Variants in G6PC1 observed in about 807,000 individuals in gnomAD.
G6PC1 encodes glucose-6-phosphatase catalytic subunit 1, also known as G-6-Pase.
Under a neutral mutation model 30.4 loss-of-function variants are expected in G6PC1, and 23 were observed. The ratio of observed to expected loss-of-function variants is 0.76; its 90% confidence interval spans 0.55 to 1.07. G6PC1 has a LOEUF of 1.07. Among genes scored for constraint, G6PC1 ranks in the 50% least tolerant of loss-of-function variants. G6PC1 has a pLI of 0.00. For synonymous variants in G6PC1, 163 were observed against 175.6 expected (o/e 0.93, Z 0.57); for missense variants, 391 against 433.9 (o/e 0.90, Z 0.88).
chr17:42,907,646 G>C lies in G6PC1; in HGVS notation c.446+18G>C. 3 of 1,540,962 alleles carry C rather than the reference G, an allele frequency of 1.9e-6. No individual in the cohort carries two copies. Among genetic ancestry groups the C allele is most frequent in the Non-Finnish European group, 2.7e-6 (3 of 1,114,250 alleles). On this transcript the variant is annotated intron_variant, in intron 3 of 4. Transcript: ENST00000253801. ...AGATTTCGGTAAGAACTCACCACTG[G>C]GGTGTAGGTGGTGGAGGGCAGGAGG...
At position 42,914,172 on chromosome 17, in the gene G6PC1, T is replaced by G. The variant is rs1209590812; in HGVS notation, c.*2746T>G. Reference sequence around the variant, plus strand: ...CTGGTCTTGAACTCCTGGGTTCAAGTGATCCTCCTGCCTCAGCCTCCCAAA... The same window carrying G: ...CTGGTCTTGAACTCCTGGGTTCAAGGGATCCTCCTGCCTCAGCCTCCCAAA... On this transcript the variant is annotated 3_prime_UTR_variant, in exon 5 of 5. Coordinates refer to ENST00000253801, the MANE Select transcript of G6PC1 (RefSeq NM_000151.4). Among the ~76,000 whole-genome samples the G allele has an allele frequency of 6.6e-6, 1 of 151,708 alleles. No individual in the cohort carries two copies. The highest frequency in any genetic ancestry group is 2.4e-5 in the African/African-American group (1 of 41,258).
intron 2 of G6PC1, among the ~76,000 whole-genome samples, chr17:42,906,419 G>C (rs986955127): frequency 1.3e-5 from 2 of 152,140 alleles, no homozygotes; most frequent in African/African-American, 4.8e-5. Flanking sequence ...CCTTGATCAA[G>C]GCGACTCTCT....
At position 42,913,621 on chromosome 17, in the gene G6PC1, T is replaced by G. The variant is rs1346542166; in HGVS notation, c.*2195T>G. On this transcript the variant is annotated 3_prime_UTR_variant, in exon 5 of 5. Coordinates refer to ENST00000253801, the MANE Select transcript of G6PC1 (RefSeq NM_000151.4). ...GAGTTGGCCAAGAATGAACATTGGC[T>G]ACCAGACCACAAGTCAGCATGAGTT... Among the ~76,000 whole-genome samples, 2 of 152,206 alleles carry G rather than the reference T, an allele frequency of 1.3e-5. No individual in the cohort carries two copies. The highest frequency in any genetic ancestry group is 2.9e-5 in the Non-Finnish European group (2 of 68,036).
chr17:42,904,785 T>A (rs964526512), intron 2 of G6PC1, among the ~76,000 whole-genome samples: 1 of 152,114 alleles, frequency 6.6e-6, no homozygotes, highest in Non-Finnish European at 1.5e-5. Context: ...GAAATCTGAA[T>A]AGAGGAGGTG....
At chr17:42,908,849 G>A (rs161624) in intron 3 of G6PC1, among the ~76,000 whole-genome samples, 19,439 of 150,450 alleles carry the variant, frequency 0.13, 1,787 homozygotes, top group African/African-American at 0.25. Flanking sequence ...GATTACAGGC[G>A]TGAGCCACCC....
chr17:42,902,336 C>A (rs889076665), intron 1 of G6PC1, among the ~76,000 whole-genome samples: 1 of 151,534 alleles, frequency 6.6e-6, no homozygotes, highest in African/African-American at 2.4e-5. Context: ...CAACCTCTGC[C>A]TCTCCGGTTC....
intron 1 of G6PC1, among the ~76,000 whole-genome samples, chr17:42,902,924 G>A (rs564854218): frequency 1.3e-5 from 2 of 152,088 alleles, no homozygotes; most frequent in East Asian, 3.9e-4. Flanking sequence ...ATTCTCTGAT[G>A]TCAGAGGAAA....
intron 1 of G6PC1, among the ~76,000 whole-genome samples, chr17:42,902,629 T>C (rs140665396): frequency 1.5e-3 from 234 of 152,294 alleles, no homozygotes; most frequent in African/African-American, 5.1e-3. Context: ...TCTCTCTGGG[T>C]TGATAGAGGC....
chr17:42,901,134 CAAG>C (rs1489183944), intron 1 of G6PC1, 28 bp downstream of exon 1: 1 of 1,577,064 alleles, frequency 6.3e-7, no homozygotes. Flanking sequence ...AGGAGATCAG[CAAG>C]AAAAGAGGCT....
In G6PC1 at chr17:42,911,771, C is replaced by A. The variant is rs1168080751; in HGVS notation, c.*345C>A. ...ATTTTATCTTTGAATGGTCTTCTGC[C>A]AGCCCATTTTGAGGCCAGAGGTGCT... On this transcript the variant is annotated 3_prime_UTR_variant, in exon 5 of 5. Transcript: ENST00000253801. 2.7e-5 allele frequency: 10 copies of A among 366,666 alleles called. No individual in the cohort carries two copies. Among genetic ancestry groups the A allele is most frequent in the South Asian group, 1.9e-4 (7 of 37,624 alleles). The allele number at this position is 366,666 out of a possible 1,614,324, so 22.7% of individuals were successfully genotyped here. A position where few individuals can be genotyped will look rare whatever the true frequency, so the allele number is the denominator to read the frequency against.
In G6PC1 at chr17:42,911,533, C is replaced by T; in HGVS notation, c.*107C>T. The stretch of plus-strand genomic sequence containing the variant: ...GTATTTGGAGCAAGTGACATGCCAT[C>T]CATTCTGCCGTCGTGGAATTAAATC... On this transcript the variant is annotated 3_prime_UTR_variant, in exon 5 of 5. Coordinates refer to ENST00000253801, the MANE Select transcript of G6PC1 (RefSeq NM_000151.4). 6.5e-7 allele frequency: 1 copy of T among 1,532,216 alleles called. No individual in the cohort carries two copies. The highest frequency in any genetic ancestry group is 1.1e-5 in the South Asian group (1 of 88,706). 94.9% of individuals were successfully genotyped at this position (1,532,216 alleles called of 1,614,324 possible).
intron 1 of G6PC1, among the ~76,000 whole-genome samples, chr17:42,901,648 T>C (rs1255426582): frequency 6.7e-6 from 1 of 149,962 alleles, no homozygotes; most frequent in Non-Finnish European, 1.5e-5. Flanking sequence ...GAGGTTGCAG[T>C]GAGTCAAGAT....
Position 42,904,055 on chromosome 17 carries a change from C to T in G6PC1, c.340+15C>T, listed in dbSNP as rs754394520. The T allele has an allele frequency of 1.3e-6, 2 of 1,556,420 alleles. No homozygotes were observed. Among genetic ancestry groups the T allele is most frequent in the South Asian group, 1.1e-5 (1 of 89,934 alleles). ...GACTGGACCAGGTAAGCGTCCCAGC[C>T]CCTGCAGACAGAAGCTGAGTGGACC... On this transcript the variant is annotated intron_variant, in intron 2 of 4. Coordinates refer to ENST00000253801, the MANE Select transcript of G6PC1 (RefSeq NM_000151.4).
rs138332426 is a variant in G6PC1 at position 42,911,561 on chromosome 17, G to A, written c.*135G>A. The A allele has an allele frequency of 3.7e-5, 50 of 1,365,868 alleles. No individual in the cohort carries two copies. The highest frequency in any genetic ancestry group is 4.5e-5 in the Non-Finnish European group (44 of 980,512). The allele number at this position is 1,365,868 out of a possible 1,614,324, so 84.6% of individuals were successfully genotyped here. On this transcript the variant is annotated 3_prime_UTR_variant, in exon 5 of 5. Transcript: ENST00000253801. The stretch of plus-strand genomic sequence containing the variant: ...TTCTGCCGTCGTGGAATTAAATCAC[G>A]GATGGCAGATTGGAGGGTCGCCTGG...
Position 42,911,054 on chromosome 17 carries a change from C to T in G6PC1, c.702C>T (p.Leu234=), listed in dbSNP as rs1356828030. 2 of 1,614,016 alleles carry T rather than the reference C, an allele frequency of 1.2e-6. No homozygotes were observed. Among genetic ancestry groups the T allele is most frequent in the Admixed American group, 1.7e-5 (1 of 60,000 alleles). ...TGCTCAAGGGACTGGGTGTAGACCT[C>T]CTGTGGACTCTGGAGAAAGCCCAGA... ...YLLLKGLGVD[L]LWTLEKAQRW... The change falls in exon 5 of 5, where the codon CTC becomes CTT. Residue 234 remains leucine, a synonymous_variant. Coordinates refer to ENST00000253801, the MANE Select transcript of G6PC1 (RefSeq NM_000151.4).
Position 42,900,985 on chromosome 17 carries a change from G to A in G6PC1, c.109G>A (p.Ala37Thr), listed in dbSNP as rs781064575. The change falls in exon 1 of 5, where the codon GCA (alanine) becomes ACA (threonine). Residue 37 changes from alanine to threonine, a missense_variant. Coordinates refer to ENST00000253801, the MANE Select transcript of G6PC1 (RefSeq NM_000151.4). ...QDWFILVSVI[A>T]DLRNAFYVLF... Reference sequence around the variant, plus strand: ...CTGGTTCATCTTGGTGTCCGTGATCGCAGACCTCAGGAATGCCTTCTACGT... The same window carrying A: ...CTGGTTCATCTTGGTGTCCGTGATCACAGACCTCAGGAATGCCTTCTACGT... 23 of 1,614,042 alleles carry A rather than the reference G, an allele frequency of 1.4e-5. No individual in the cohort carries two copies. The highest frequency in any genetic ancestry group is 2.7e-5 in the African/African-American group (2 of 74,922).
Position 42,903,995 on chromosome 17 carries a change from G to A in G6PC1, c.295G>A (p.Val99Met), listed in dbSNP as rs746885993. The A allele has an allele frequency of 1.6e-5, 26 of 1,614,066 alleles. No homozygotes were observed. In the East Asian group the frequency reaches 1.8e-4, roughly 11 times the overall value. Reference protein sequence around the residue: ...LDTDYYSNTSVPLIKQFPVTC... With the variant: ...LDTDYYSNTSMPLIKQFPVTC... Reference sequence around the variant, plus strand: ...TACTGACTACTACAGCAACACTTCCGTGCCCCTGATAAAGCAGTTCCCTGT... The same window carrying A: ...TACTGACTACTACAGCAACACTTCCATGCCCCTGATAAAGCAGTTCCCTGT... Residue 99 changes from valine to methionine, a missense_variant, in exon 2 of 5, where the codon GTG becomes ATG. Val to Met is a conservative substitution (Grantham distance 21, BLOSUM62 1). Coordinates refer to ENST00000253801, the MANE Select transcript of G6PC1 (RefSeq NM_000151.4).
At position 42,909,429 on chromosome 17, in the gene G6PC1, A is replaced by C. The variant is rs1192404047; in HGVS notation, c.562+11A>C. 3.8e-6 allele frequency: 6 copies of C among 1,587,318 alleles called. No homozygotes were observed. The highest frequency in any genetic ancestry group is 5.2e-6 in the Non-Finnish European group (6 of 1,155,818). On this transcript the variant is annotated intron_variant, in intron 4 of 4. Transcript: ENST00000253801. ...CTGGAGTCCTGTCAGGTATGGGCTGATCTGACTCCCTTCCTTCTCCCCCAA... is the reference window on the plus strand; with the variant it reads ...CTGGAGTCCTGTCAGGTATGGGCTGCTCTGACTCCCTTCCTTCTCCCCCAA...
Position 42,903,274 on chromosome 17 carries a change from G to A in G6PC1, c.231-657G>A, listed in dbSNP as rs2056038561. 2.0e-5 allele frequency among the ~76,000 whole-genome samples: 3 copies of A among 151,762 alleles called. No individual in the cohort carries two copies. The South Asian group carries it at 6.2e-4, about 32-fold the overall frequency. On this transcript the variant is annotated intron_variant, in intron 1 of 4. Transcript: ENST00000253801. ...TTCTTTATATTTTTTGGTAGAAACG[G>A]TGTTTCACCATGTTGGCCAGGCTGG...
Sources: allele counts gnomAD v4.1 joint callset (sites outside exome capture counted in the v4.1 genomes callset), GRCh38; gene constraint gnomAD v4.1.1; transcripts MANE v1.5; gene names NCBI Gene and HGNC (gene_info 2026-07-23, HGNC 2026-07-21).